Variants in OXR1 observed in about 807,000 individuals in gnomAD.
The protein encoded by OXR1 is oxidation resistance 1, also known as oxidation resistance protein 1.
Under a neutral mutation model 104.6 loss-of-function variants are expected in OXR1, and 41 were observed. The ratio of observed to expected loss-of-function variants is 0.39; its 90% confidence interval spans 0.31 to 0.51. The LOEUF is 0.51. Among genes scored for constraint, OXR1 ranks in the 20% least tolerant of loss-of-function variants. OXR1 has a pLI of 0.77. For missense variants in OXR1, 955 were observed against 1,031.9 expected (o/e 0.93, Z 1.02); for synonymous variants, 348 against 348.4 (o/e 1.00, Z 0.01).
intron 1 of OXR1, among the ~76,000 whole-genome samples, chr8:106,298,660 T>C (rs913840201): frequency 1.3e-5 from 2 of 152,138 alleles, no homozygotes; most frequent in African/African-American, 4.8e-5. Context: ...GCCATAAATA[T>C]TGACAGATGG....
At chr8:106,491,813 A>T (rs1811106264) in intron 2 of OXR1, among the ~76,000 whole-genome samples, 1 of 152,200 alleles carries the variant, frequency 6.6e-6, no homozygotes, top group South Asian at 2.1e-4. Context: ...ATTCATAGGT[A>T]TCAATTGAGG....
intron 3 of OXR1, among the ~76,000 whole-genome samples, chr8:106,577,877 T>C (rs1817969335): frequency 6.6e-6 from 1 of 152,180 alleles, no homozygotes; most frequent in South Asian, 2.1e-4. Flanking sequence ...CCTCTCCAGC[T>C]ACCCTTCCTT....
intron 3 of OXR1, among the ~76,000 whole-genome samples, chr8:106,549,916 A>G (rs1450177869): frequency 6.6e-6 from 1 of 152,142 alleles, no homozygotes; most frequent in Non-Finnish European, 1.5e-5. Flanking sequence ...TGCTTTGGAG[A>G]AGAGCATTGT....
chr8:106,422,916 C>T (rs1442710929), intron 2 of OXR1, among the ~76,000 whole-genome samples: 2 of 152,052 alleles, frequency 1.3e-5, no homozygotes, highest in East Asian at 1.9e-4. Context: ...CTGAATAGTG[C>T]CTACTAAAGA....
At chr8:106,646,102 T>G (rs1824055915) in intron 3 of OXR1, among the ~76,000 whole-genome samples, 2 of 151,972 alleles carry the variant, frequency 1.3e-5, no homozygotes, top group African/African-American at 4.8e-5. Flanking sequence ...TTTTCTCTAT[T>G]ATCTTTTTTT....
At chr8:106,509,081 T>A (rs1416666835) in intron 2 of OXR1, among the ~76,000 whole-genome samples, 1 of 152,204 alleles carries the variant, frequency 6.6e-6, no homozygotes, top group Non-Finnish European at 1.5e-5. Context: ...TCCTTCTTCC[T>A]AAAATGAATA....
intron 2 of OXR1, among the ~76,000 whole-genome samples, chr8:106,451,718 A>G (rs1355225852): frequency 6.6e-6 from 1 of 152,360 alleles, no homozygotes; most frequent in South Asian, 2.1e-4. Context: ...GAGATTAGCA[A>G]TAGAAGTTTT....
rs1173190073 is a variant in OXR1, at chr8:106,751,888, C to CT, written c.*950dup. On this transcript the variant is annotated 3_prime_UTR_variant, in exon 17 of 17. Transcript: ENST00000517566. ...AAAGGAAAAAAAAAATTGTGATTTT[C>CT]TTTGAGTGGTATATGTTATTAATTA... is the stretch of plus-strand genomic sequence containing the variant. 1.3e-5 allele frequency: 2 copies of CT among 152,208 alleles called. No homozygotes were observed. Among genetic ancestry groups the CT allele is most frequent in the African/African-American group, 2.4e-5 (1 of 41,378 alleles). The allele number at this position is 152,208 out of a possible 1,614,324, so 9.4% of individuals were successfully genotyped here.
intron 11 of OXR1, among the ~76,000 whole-genome samples, 153 bp from the exon 12 acceptor site, chr8:106,737,367 A>G (rs965504642): frequency 8.6e-5 from 13 of 151,600 alleles, no homozygotes; most frequent in African/African-American, 3.1e-4. Flanking sequence ...TTGATATATA[A>G]ATCTCTTGGA....
At chr8:106,575,998 A>ACACACACT (rs1348606132) in intron 3 of OXR1, among the ~76,000 whole-genome samples, 1 of 150,666 alleles carries the variant, frequency 6.6e-6, no homozygotes, top group East Asian at 2.0e-4. Flanking sequence ...ACACACACAC[A>ACACACACT]CACACACACA....
intron 1 of OXR1, among the ~76,000 whole-genome samples, chr8:106,355,558 A>G (rs1245164689): frequency 1.3e-5 from 2 of 152,126 alleles, no homozygotes; most frequent in East Asian, 3.8e-4. Context: ...AATAAATCAG[A>G]TAGTTATAAG....
chr8:106,698,283 C>T (rs907563683), intron 7 of OXR1, among the ~76,000 whole-genome samples: 3 of 152,038 alleles, frequency 2.0e-5, no homozygotes, highest in African/African-American at 7.2e-5. Context: ...GTTTGGTGTT[C>T]TGTTAAAAAA....
chr8:106,496,166 T>C (rs1811399574), intron 2 of OXR1, among the ~76,000 whole-genome samples: 1 of 152,140 alleles, frequency 6.6e-6, no homozygotes, highest in Non-Finnish European at 1.5e-5. Flanking sequence ...ATAGTCTAGG[T>C]CAGTGGTTCT....
chr8:106,606,175 T>G (rs950450739), intron 3 of OXR1, among the ~76,000 whole-genome samples: 4 of 152,286 alleles, frequency 2.6e-5, no homozygotes, highest in Middle Eastern at 3.4e-3. Flanking sequence ...TCCATTTTCT[T>G]GCCTTTTCTA....
At chr8:106,405,202 A>AGTGTGTGTGTGT (rs58338664) in intron 2 of OXR1, among the ~76,000 whole-genome samples, 6 of 20,024 alleles carry the variant, frequency 3.0e-4, no homozygotes, top group African/African-American at 8.2e-4. Flanking sequence ...ATATATATAT[A>AGTGTGTGTGTGT]GTGTGTGTGT....
intron 1 of OXR1, among the ~76,000 whole-genome samples, chr8:106,274,608 C>CCT (rs1554616301): frequency 2.1e-5 from 3 of 143,260 alleles, no homozygotes; most frequent in Non-Finnish European, 4.6e-5. Flanking sequence ...CCACCCCCCC[C>CCT]CCGACCCCGC....
rs28924671 is a variant in OXR1 at position 106,725,104 on chromosome 8, A to G, written c.1956+11119A>G. ...GTGTGAAGATAATGATGGTGTTCCT[A>G]TGAGGGACTGTGGGAGAGATTTTAG... On this transcript the variant is annotated intron_variant, in intron 11 of 16. Transcript: ENST00000517566. Among the ~76,000 whole-genome samples, 513 of 152,202 alleles carry G rather than the reference A, an allele frequency of 3.4e-3. 4 individuals carry two copies. The highest frequency in any genetic ancestry group is 0.012 in the African/African-American group (478 of 41,542).
At chr8:106,494,203 C>A (rs555681709) in intron 2 of OXR1, among the ~76,000 whole-genome samples, 1 of 152,300 alleles carries the variant, frequency 6.6e-6, no homozygotes, top group East Asian at 1.9e-4. Flanking sequence ...CTGCCCCCTT[C>A]TACAGGCTTT....
chr8:106,666,963 A>G (rs1430113834), intron 3 of OXR1, among the ~76,000 whole-genome samples: 1 of 152,210 alleles, frequency 6.6e-6, no homozygotes, highest in Admixed American at 6.5e-5. Flanking sequence ...AAATTAATTT[A>G]ATTAAGTAAA....
Sources: gnomAD v4.1 joint callset for allele counts (sites outside exome capture counted in the v4.1 genomes callset) on GRCh38, gnomAD v4.1.1 for gene constraint, MANE v1.5 for transcripts, NCBI Gene and HGNC (gene_info 2026-07-23, HGNC 2026-07-21) for gene names.